Variants in UTS2 observed in about 807,000 individuals in gnomAD.
UTS2 encodes the protein urotensin-2.
A neutral mutation model predicts 12.6 loss-of-function variants in UTS2; 10 were observed. The ratio of observed to expected loss-of-function variants is 0.80; its 90% CI spans 0.49 to 1.35. UTS2 has a LOEUF of 1.35. Ranked by LOEUF, UTS2 falls within the 40% of genes most tolerant of loss-of-function variation. The pLI, the probability that UTS2 is intolerant of heterozygous loss-of-function variation, is 0.00. For missense variants in UTS2, 142 were observed against 143.2 expected (o/e 0.99, Z 0.04); for synonymous variants, 52 against 50.0 (o/e 1.04, Z -0.17).
chr1:7,871,475 C>T, the UTS2 span, among the ~76,000 whole-genome samples: 1 of 152,150 alleles, frequency 6.6e-6, no homozygotes, highest in Non-Finnish European at 1.5e-5. Context: ...AATTTGTTGA[C>T]GTGTGGTTTG....
At chr1:7,850,670 A>T in intron 2 of UTS2, 142 bp downstream of exon 2, 1 of 768,398 alleles carries the variant, frequency 1.3e-6, no homozygotes. Context: ...ACAGGCCGGG[A>T]GGGGAGAGTG....
chr1:7,909,846 T>C, the UTS2 span, among the ~76,000 whole-genome samples: 1 of 152,068 alleles, frequency 6.6e-6, no homozygotes, highest in Non-Finnish European at 1.5e-5. Flanking sequence ...GGTCTCAAAC[T>C]CCTGACCTCA....
At chr1:7,900,077 T>C in the UTS2 span, among the ~76,000 whole-genome samples, 2 of 152,148 alleles carry the variant, frequency 1.3e-5, no homozygotes, top group Non-Finnish European at 2.9e-5. Flanking sequence ...GGAGGAAAGC[T>C]TAGCTCCACT....
chr1:7,887,405 A>C, the UTS2 span, among the ~76,000 whole-genome samples: 1 of 152,026 alleles, frequency 6.6e-6, no homozygotes, highest in Admixed American at 6.6e-5. Flanking sequence ...TAGAGACTAA[A>C]AGTAGGAAAG....
intron 2 of UTS2, 146 bp from the exon 3 acceptor site, chr1:7,849,829 A>ACAGG (rs2097412068): frequency 1.5e-6 from 1 of 661,520 alleles, no homozygotes; most frequent in African/African-American, 1.8e-5. Context: ...ATGCAGACAG[A>ACAGG]CAGGCACTCC....
At chr1:7,862,302 C>T in the UTS2 span, among the ~76,000 whole-genome samples, 1 of 152,038 alleles carries the variant, frequency 6.6e-6, no homozygotes, top group Admixed American at 6.5e-5. Flanking sequence ...CCTGCAGTTC[C>T]CCCGCTATGT....
chr1:7,880,908 T>C, the UTS2 span, among the ~76,000 whole-genome samples: 1 of 152,040 alleles, frequency 6.6e-6, no homozygotes, highest in Non-Finnish European at 1.5e-5. Context: ...AACAAAATAC[T>C]AGCAAACTCA....
the UTS2 span, among the ~76,000 whole-genome samples, chr1:7,893,922 T>G: frequency 6.6e-6 from 1 of 152,224 alleles, no homozygotes; most frequent in Non-Finnish European, 1.5e-5. Context: ...TAGATTCTTC[T>G]TTGTCTAAAA....
At chr1:7,894,973 T>C in the UTS2 span, among the ~76,000 whole-genome samples, 1 of 152,186 alleles carries the variant, frequency 6.6e-6, no homozygotes, top group South Asian at 2.1e-4. Context: ...CCTTTACTTA[T>C]TTTTTGCCTC....
chr1:7,850,709 T>A, intron 2 of UTS2, 103 bp downstream of exon 2: 1 of 1,202,350 alleles, frequency 8.3e-7, no homozygotes, highest in Non-Finnish European at 1.2e-6. Flanking sequence ...ATATAGCTCA[T>A]CTTTATATTC....
At chr1:7,877,126 C>CAAAAAAAAAAAAAAAA in the UTS2 span, among the ~76,000 whole-genome samples, 1 of 62,812 alleles carries the variant, frequency 1.6e-5, no homozygotes. Flanking sequence ...GAGACTCTAT[C>CAAAAAAAAAAAAAAAA]AAAAAAAAAA....
the UTS2 span, among the ~76,000 whole-genome samples, chr1:7,894,745 G>A: frequency 2.6e-4 from 40 of 152,020 alleles, no homozygotes; most frequent in African/African-American, 8.9e-4. Context: ...ACTTTGGGAG[G>A]CTGAGGCGGG....
the UTS2 span, among the ~76,000 whole-genome samples, chr1:7,861,894 C>T: frequency 6.6e-6 from 1 of 151,526 alleles, no homozygotes; most frequent in Non-Finnish European, 1.5e-5. Flanking sequence ...GGCCAGAATA[C>T]TGGTTTCTAA....
chr1:7,894,794 C>T, the UTS2 span, among the ~76,000 whole-genome samples: 1 of 151,580 alleles, frequency 6.6e-6, no homozygotes, highest in African/African-American at 2.4e-5. Flanking sequence ...AGCCCGGCAA[C>T]ATGGTGAAAC....
At chr1:7,883,189 A>G in the UTS2 span, among the ~76,000 whole-genome samples, 1 of 152,250 alleles carries the variant, frequency 6.6e-6, no homozygotes, top group East Asian at 1.9e-4. Flanking sequence ...ACAATAGAAT[A>G]CTATTCAGCC....
the UTS2 span, among the ~76,000 whole-genome samples, chr1:7,864,703 C>G: frequency 2.6e-5 from 4 of 152,318 alleles, no homozygotes; most frequent in African/African-American, 9.6e-5. Flanking sequence ...GTCTCCTTTC[C>G]CCTAAGAAGA....
At chr1:7,873,808 A>T in the UTS2 span, among the ~76,000 whole-genome samples, 1 of 152,136 alleles carries the variant, frequency 6.6e-6, no homozygotes, top group African/African-American at 2.4e-5. Context: ...GAAAGAACTG[A>T]CTCCAATTTT....
upstream of UTS2, among the ~76,000 whole-genome samples, chr1:7,857,543 G>T (rs1339589634): frequency 1.3e-5 from 2 of 152,042 alleles, no homozygotes; most frequent in Non-Finnish European, 2.9e-5. Context: ...GAAAATAAAG[G>T]GATTTTTTTC....
chr1:7,866,374 G>A, the UTS2 span, among the ~76,000 whole-genome samples: 12 of 152,202 alleles, frequency 7.9e-5, no homozygotes, highest in African/African-American at 2.4e-4. The surrounding 1 kb of genome is among the most constrained non-coding windows in gnomAD (Gnocchi z 4.5). Context: ...GAGCGTGAGC[G>A]TGGAGAGCTA....
Sources: allele counts gnomAD v4.1 joint callset (sites outside exome capture counted in the v4.1 genomes callset), GRCh38; gene constraint gnomAD v4.1.1; non-coding constraint Gnocchi (gnomAD v3.1); transcripts MANE v1.5; gene names NCBI Gene and HGNC (gene_info 2026-07-23, HGNC 2026-07-21).